The following TSPAN14 variants were observed in gnomAD, a reference collection of about 807,000 sequenced individuals.
The protein encoded by TSPAN14 is tetraspanin 14.
Under a neutral mutation model 36.6 loss-of-function variants are expected in TSPAN14, and 16 were observed. The observed-to-expected ratio is 0.44, with a 90% CI of 0.30 to 0.66. The LOEUF (loss-of-function observed/expected upper bound fraction) is 0.66. TSPAN14 is among the 30% of genes least tolerant of loss of function. The pLI is 0.12. For synonymous variants in TSPAN14, 139 were observed against 143.8 expected (o/e 0.97, Z 0.24); for missense variants, 231 against 355.1 (o/e 0.65, Z 2.81).
intron 1 of TSPAN14, among the ~76,000 whole-genome samples, chr10:80,456,343 C>T (rs1845734242): frequency 6.6e-6 from 1 of 152,162 alleles, no homozygotes; most frequent in Non-Finnish European, 1.5e-5. Context: ...TGGTTGGCTG[C>T]CCAGGGAATT....
At chr10:80,498,496 T>C (rs1848317907) in intron 2 of TSPAN14, among the ~76,000 whole-genome samples, 1 of 152,218 alleles carries the variant, frequency 6.6e-6, no homozygotes, top group Admixed American at 6.5e-5. Context: ...GAAGGCCGTA[T>C]TTCCCTAAGC....
At chr10:80,478,338 A>AATAAGGCAG (rs1447469247) in intron 1 of TSPAN14, among the ~76,000 whole-genome samples, 9 of 152,162 alleles carry the variant, frequency 5.9e-5, no homozygotes, top group African/African-American at 1.9e-4. Flanking sequence ...ATGAATAATA[A>AATAAGGCAG]ATAAGGCAGA....
chr10:80,516,438 G>GA lies in TSPAN14; in HGVS notation c.741+122dup, dbSNP rs971073779. On this transcript the variant is annotated intron_variant, in intron 8 of 8. Transcript: ENST00000429989. ...TATGGTATTAAGGAAGCTTGCAGAA[G>GA]AAAAAAAGGGATTCAACTGGATGTC... 9.1e-6 allele frequency: 13 copies of GA among 1,435,070 alleles called. No homozygotes were observed. In the African/African-American group the frequency reaches 1.1e-4, roughly 13 times the overall value. 88.9% of individuals were successfully genotyped at this position (1,435,070 alleles called of 1,614,324 possible). A position where few individuals can be genotyped will look rare whatever the true frequency, so the allele number is the denominator to read the frequency against.
intron 1 of TSPAN14, among the ~76,000 whole-genome samples, chr10:80,465,363 G>A (rs556371161): frequency 1.3e-5 from 2 of 152,288 alleles, no homozygotes; most frequent in African/African-American, 4.8e-5. Flanking sequence ...AGCCACCCCC[G>A]CTGCAGGAGC....
chr10:80,454,939 G>T (rs1845669317), intron 1 of TSPAN14, among the ~76,000 whole-genome samples: 1 of 152,214 alleles, frequency 6.6e-6, no homozygotes, highest in African/African-American at 2.4e-5. Flanking sequence ...GTCCCACTCT[G>T]CCCGGCTTGG....
At chr10:80,485,660 T>C in intron 1 of TSPAN14, 1 of 985,372 alleles carries the variant, frequency 1.0e-6, no homozygotes, top group Non-Finnish European at 1.2e-6. Flanking sequence ...AGGACCTGCT[T>C]TCCAACCCGC....
At chr10:80,505,423 G>A (rs1038381251) in intron 3 of TSPAN14, among the ~76,000 whole-genome samples, 6 of 152,198 alleles carry the variant, frequency 3.9e-5, no homozygotes, top group African/African-American at 1.4e-4. Flanking sequence ...GCTGAAAAAG[G>A]CCAGGGAGGG....
intron 1 of TSPAN14, among the ~76,000 whole-genome samples, chr10:80,457,780 C>T (rs1372233692): frequency 6.6e-6 from 1 of 152,244 alleles, no homozygotes; most frequent in Non-Finnish European, 1.5e-5. Flanking sequence ...TTGTGTCTGT[C>T]TGGACAGATC....
intron 1 of TSPAN14, among the ~76,000 whole-genome samples, chr10:80,482,655 A>G (rs759448320): frequency 3.5e-5 from 5 of 144,502 alleles, no homozygotes; most frequent in Admixed American, 6.9e-5. Context: ...TGTTAAATGT[A>G]TTTCTTACTA....
intron 2 of TSPAN14, among the ~76,000 whole-genome samples, chr10:80,493,792 C>A (rs905477880): frequency 2.6e-5 from 4 of 152,160 alleles, no homozygotes; most frequent in African/African-American, 9.7e-5. Context: ...GAAGATCTCA[C>A]TTTGATGTGC....
At chr10:80,472,417 A>G (rs765472053) in intron 1 of TSPAN14, among the ~76,000 whole-genome samples, 15 of 152,184 alleles carry the variant, frequency 9.9e-5, no homozygotes, top group Non-Finnish European at 2.1e-4. Context: ...GATATTGACA[A>G]TGATCGCTTG....
intron 1 of TSPAN14, among the ~76,000 whole-genome samples, 199 bp downstream of exon 1, chr10:80,454,570 T>A (rs1197479202): frequency 6.6e-6 from 1 of 151,466 alleles, no homozygotes; most frequent in African/African-American, 2.4e-5. Context: ...TCGCTAGAGG[T>A]TGGAGGCCTC....
intron 1 of TSPAN14, among the ~76,000 whole-genome samples, chr10:80,477,811 C>T (rs898983230): frequency 1.3e-5 from 2 of 152,320 alleles, no homozygotes; most frequent in African/African-American, 2.4e-5. Flanking sequence ...CCTCCATTCT[C>T]TAGTCTTCTA....
rs762089579 is a variant in TSPAN14, at chr10:80,509,496, C to T, written c.450+25C>T. The T allele has an allele frequency of 1.1e-5, 18 of 1,608,274 alleles. No homozygotes were observed. Among genetic ancestry groups the T allele is most frequent in the South Asian group, 2.2e-5 (2 of 90,230 alleles). On this transcript the variant is annotated intron_variant, in intron 5 of 8. Coordinates refer to ENST00000429989, the Ensembl canonical transcript of TSPAN14. This position sits in a 1 kb window ranked among gnomAD's most constrained non-coding sequence, Gnocchi z 4.7. ...TGTAAGCACCTCCCCAGCGGGCCCC[C>T]GATAGAGCATGCACCTCCCTGTGCT...
intron 1 of TSPAN14, among the ~76,000 whole-genome samples, chr10:80,478,743 A>G (rs920588444): frequency 6.6e-6 from 1 of 152,212 alleles, no homozygotes; most frequent in African/African-American, 2.4e-5. Flanking sequence ...AGCCAAACTC[A>G]TTCAAGAGTG....
At chr10:80,503,152 T>G (rs1412796243) in intron 2 of TSPAN14, among the ~76,000 whole-genome samples, 1 of 151,968 alleles carries the variant, frequency 6.6e-6, no homozygotes, top group Non-Finnish European at 1.5e-5. Context: ...CGGCAGGTGG[T>G]GACCAGTCAC....
chr10:80,469,166 TG>T (rs1009933851), intron 1 of TSPAN14, among the ~76,000 whole-genome samples: 13 of 131,428 alleles, frequency 9.9e-5, no homozygotes, highest in Non-Finnish European at 1.8e-4. Flanking sequence ...GGGGTAGGGA[TG>T]GGGGGGTAAC....
exon 8 of TSPAN14, chr10:80,516,278 C>T: frequency 1.9e-6 from 3 of 1,614,254 alleles, no homozygotes; most frequent in South Asian, 1.1e-5. Context: ...TCCCGCGGAA[C>T]ATTTACATTG....
intron 2 of TSPAN14, among the ~76,000 whole-genome samples, chr10:80,502,416 GGAGCCCCGTGGGATCCAGACTC>G (rs1237628239): frequency 6.6e-6 from 1 of 152,172 alleles, no homozygotes; most frequent in Non-Finnish European, 1.5e-5. Context: ...GGACCAGTGA[GGAGCCCCGTGGGATCCAGACTC>G]GAGTGGGTGG....
Sources: gnomAD v4.1 joint callset for allele counts (sites outside exome capture counted in the v4.1 genomes callset) on GRCh38, gnomAD v4.1.1 for gene constraint, Gnocchi (gnomAD v3.1) non-coding constraint, MANE v1.5 for transcripts, NCBI Gene and HGNC (gene_info 2026-07-23, HGNC 2026-07-21) for gene names.